RILPL1: variants seen among roughly 807,000 people sequenced by gnomAD.
RILPL1 encodes the protein RILP-like protein 1.
In RILPL1, 33 loss-of-function variants were observed where a neutral mutation model predicts 50.3. The observed-to-expected ratio is 0.66, with a 90% confidence interval of 0.50 to 0.88. The LOEUF is 0.88. RILPL1 is among the 40% of genes least tolerant of loss of function. The probability of loss-of-function intolerance (pLI) is 0.00; values close to 1 mark genes in which losing one functional copy is unlikely to be tolerated. For synonymous variants in RILPL1, 205 were observed against 228.6 expected, an observed-to-expected ratio of 0.90 and a Z score of 0.93; for missense variants, 418 against 542.5, an observed-to-expected ratio of 0.77 and a Z score of 2.28.
chr12:123,529,189 C>A (rs947675888), intron 1 of RILPL1, among the ~76,000 whole-genome samples: 3 of 152,214 alleles, frequency 2.0e-5, no homozygotes, highest in African/African-American at 7.2e-5. Flanking sequence ...TCAGATGTCA[C>A]CTCCTCAGGG....
chr12:123,504,011 A>G (rs1490847826), intron 2 of RILPL1, among the ~76,000 whole-genome samples: 2 of 151,900 alleles, frequency 1.3e-5, no homozygotes, highest in African/African-American at 4.8e-5. Flanking sequence ...AAAAAAAAAA[A>G]AAAAAAAGAA....
intron 2 of RILPL1, among the ~76,000 whole-genome samples, chr12:123,514,905 G>C (rs1466929685): frequency 6.6e-6 from 1 of 151,348 alleles, no homozygotes; most frequent in African/African-American, 2.4e-5. Context: ...TTAAAAAATA[G>C]ACAATCCAAA....
Position 123,472,269 on chromosome 12 carries a change from T to C in RILPL1, c.*269A>G. The C allele has an allele frequency of 2.5e-6, 1 of 393,008 alleles. No homozygotes were observed. Among genetic ancestry groups the C allele is most frequent in the South Asian group, 5.1e-5 (1 of 19,690 alleles). 24.3% of individuals were successfully genotyped at this position (393,008 alleles called of 1,614,324 possible). On this transcript the variant is annotated 3_prime_UTR_variant, in exon 7 of 7. Coordinates refer to ENST00000376874, the MANE Select transcript of RILPL1 (RefSeq NM_178314.5). ...CTGAAGTTAACGCAGAAGTCTGGCC[T>C]CCGTTTGTGGGATTATTAAATATAT...
At chr12:123,478,981 G>C (rs1881784456) in intron 6 of RILPL1, among the ~76,000 whole-genome samples, 1 of 152,188 alleles carries the variant, frequency 6.6e-6, no homozygotes, top group Non-Finnish European at 1.5e-5. Flanking sequence ...ACACTGTTTT[G>C]ACTGGCAGCA....
chr12:123,521,621 ATATATATACACACATATGTG>A (rs1885035886), intron 2 of RILPL1, among the ~76,000 whole-genome samples: 3 of 6,516 alleles, frequency 4.6e-4, no homozygotes, highest in Admixed American at 1.6e-3. Context: ...ACATATGTGT[ATATATATACACACATATGTG>A]TATATATATA....
At chr12:123,502,646 C>T (rs1883469128) in intron 2 of RILPL1, among the ~76,000 whole-genome samples, 1 of 152,234 alleles carries the variant, frequency 6.6e-6, no homozygotes, top group Admixed American at 6.5e-5. Context: ...ATTCCCTGGG[C>T]CCCATATGGT....
chr12:123,523,369 A>G (rs1885135526), intron 2 of RILPL1, 126 bp downstream of exon 2: 1 of 1,100,426 alleles, frequency 9.1e-7, no homozygotes, highest in Non-Finnish European at 1.3e-6. Context: ...ACAATACAGA[A>G]GGCAAAGGGC....
At chr12:123,512,107 G>T (rs1369262069) in intron 2 of RILPL1, among the ~76,000 whole-genome samples, 1 of 128,932 alleles carries the variant, frequency 7.8e-6, no homozygotes, top group African/African-American at 2.9e-5. Flanking sequence ...GTCTGTGTGT[G>T]GTGTGTGAGG....
At chr12:123,528,976 C>A (rs1191298400) in intron 1 of RILPL1, among the ~76,000 whole-genome samples, 2 of 152,108 alleles carry the variant, frequency 1.3e-5, no homozygotes, top group East Asian at 3.9e-4. Context: ...CTCATCTGAG[C>A]CTACAAGCCC....
intron 2 of RILPL1, among the ~76,000 whole-genome samples, chr12:123,507,412 A>G (rs974623165): frequency 2.0e-5 from 3 of 152,038 alleles, no homozygotes; most frequent in Admixed American, 6.6e-5. Context: ...AAAATTAAAA[A>G]ATACTAACTG....
At chr12:123,529,630 T>C (rs28478446) in intron 1 of RILPL1, among the ~76,000 whole-genome samples, 83,631 of 150,752 alleles carry the variant, frequency 0.55, 25,193 homozygotes, top group East Asian at 0.9. Context: ...GGATCAAACC[T>C]GTAGTCCCAG....
rs907628702 is a variant in RILPL1, at chr12:123,471,872, T to C, written c.*666A>G. Reference sequence around the variant, plus strand: ...TTAGTACTGCATAACTCACAGCAGATTCCAAGGCACCTGCCTTGAACATTG... The same window carrying C: ...TTAGTACTGCATAACTCACAGCAGACTCCAAGGCACCTGCCTTGAACATTG... On this transcript the variant is annotated 3_prime_UTR_variant, in exon 7 of 7. Coordinates refer to ENST00000376874, the MANE Select transcript of RILPL1 (RefSeq NM_178314.5). 2.0e-5 allele frequency: 3 copies of C among 152,872 alleles called. No homozygotes were observed. The highest frequency in any genetic ancestry group is 2.0e-4 in the Admixed American group (3 of 15,300). The allele number at this position is 152,872 out of a possible 1,614,324, so 9.5% of individuals were successfully genotyped here. A position where few individuals can be genotyped will look rare whatever the true frequency, so the allele number is the denominator to read the frequency against.
At chr12:123,506,748 AC>A (rs1442107138) in intron 2 of RILPL1, among the ~76,000 whole-genome samples, 2 of 152,038 alleles carry the variant, frequency 1.3e-5, no homozygotes, top group Non-Finnish European at 2.9e-5. Flanking sequence ...TCCATTCTCC[AC>A]CTTTCTGATG....
chr12:123,492,871 C>T (rs1882786257), intron 4 of RILPL1, among the ~76,000 whole-genome samples: 1 of 152,146 alleles, frequency 6.6e-6, no homozygotes, highest in South Asian at 2.1e-4. Flanking sequence ...TGCTTGAAGG[C>T]AGCATGCTCC....
chr12:123,525,025 G>A (rs573358856), intron 1 of RILPL1, among the ~76,000 whole-genome samples: 5 of 152,010 alleles, frequency 3.3e-5, no homozygotes, highest in South Asian at 2.1e-4. Context: ...CCAGCTACTC[G>A]GGAGGCTGAG....
intron 1 of RILPL1, among the ~76,000 whole-genome samples, chr12:123,528,705 C>T (rs61953543): frequency 0.03 from 4,566 of 152,226 alleles, 106 homozygotes; most frequent in South Asian, 0.1. Context: ...GGATTACAGG[C>T]TTGAGCCACC....
At chr12:123,506,631 T>C (rs1883768948) in intron 2 of RILPL1, among the ~76,000 whole-genome samples, 2 of 152,108 alleles carry the variant, frequency 1.3e-5, no homozygotes, top group Non-Finnish European at 2.9e-5. Flanking sequence ...AAAGCTGAGC[T>C]CCACCACCTG....
At chr12:123,487,044 C>T (rs976414372) in intron 4 of RILPL1, among the ~76,000 whole-genome samples, 34 of 152,204 alleles carry the variant, frequency 2.2e-4, no homozygotes, top group African/African-American at 7.2e-4. Context: ...AGTGATCCAC[C>T]CGCCTTTGCC....
Position 123,483,670 on chromosome 12 carries a change from G to A in RILPL1, c.1067+510C>T, listed in dbSNP as rs941103639. Among the ~76,000 whole-genome samples the A allele has an allele frequency of 3.3e-5, 5 of 151,856 alleles. No individual in the cohort carries two copies. In the South Asian group the frequency reaches 6.2e-4, roughly 19 times the overall value. On this transcript the variant is annotated intron_variant, in intron 6 of 6. Transcript: ENST00000376874. ...CAGGGACTAGGTCACTCTTTTTTGC[G>A]GGGTTCTCCTGCAGCAACCAAGGCC... is the stretch of plus-strand genomic sequence containing the variant.
Sources: gnomAD v4.1 joint callset for allele counts (sites outside exome capture counted in the v4.1 genomes callset) on GRCh38, gnomAD v4.1.1 for gene constraint, MANE v1.5 for transcripts, NCBI Gene and HGNC (gene_info 2026-07-23, HGNC 2026-07-21) for gene names.